BRWD3: variants seen among roughly 807,000 people sequenced by gnomAD.
The protein encoded by BRWD3 is bromodomain and WD repeat domain containing 3, also known as bromodomain and WD repeat-containing protein 3.
A neutral mutation model predicts 149.7 loss-of-function variants in BRWD3; 10 were observed. The ratio of observed to expected loss-of-function variants is 0.07; its 90% CI spans 0.04 to 0.11. The LOEUF (loss-of-function observed/expected upper bound fraction) is 0.11. BRWD3 is among the 10% of genes least tolerant of loss of function. The probability of loss-of-function intolerance (pLI) is 1.00; values close to 1 mark genes in which losing one functional copy is unlikely to be tolerated. For missense variants in BRWD3, 940 were observed against 1,373.2 expected (o/e 0.68, Z 4.99); for synonymous variants, 504 against 456.7 (o/e 1.10, Z -1.32).
rs758315229 is a variant in BRWD3 at position 80,688,143 on chromosome X, A to C, written c.3808-18T>G. Reference sequence around the variant, plus strand: ...TCTGTATCCTTAATTAAAAAGGAAGAGTGGGAAAAGACGTTAAGTTACATT... The same window carrying C: ...TCTGTATCCTTAATTAAAAAGGAAGCGTGGGAAAAGACGTTAAGTTACATT... On this transcript the variant is annotated intron_variant, in intron 33 of 40. Coordinates refer to ENST00000373275, the MANE Select transcript of BRWD3 (RefSeq NM_153252.5). 4.4e-6 allele frequency: 5 copies of C among 1,147,923 alleles called. No homozygotes were observed. The Admixed American group carries it at 1.1e-4, about 25-fold the overall frequency. The allele number at this position is 1,147,923 out of a possible 1,213,427, so 94.6% of individuals were successfully genotyped here. A position where few individuals can be genotyped will look rare whatever the true frequency, so the allele number is the denominator to read the frequency against.
chrX:80,736,185 T>A, intron 8 of BRWD3, 97 bp from the exon 9 acceptor site: 2 of 554,916 alleles, frequency 3.6e-6, no homozygotes, highest in African/African-American at 2.3e-5. Context: ...TTAACAAATA[T>A]AATTTCAATA....
chrX:80,792,428 A>AT (rs1285700175), intron 5 of BRWD3, among the ~76,000 whole-genome samples: 1 of 112,343 alleles, frequency 8.9e-6, no homozygotes, highest in Non-Finnish European at 1.9e-5. Context: ...ACAGCACTGC[A>AT]TATCAGATGG....
At chrX:80,685,894 G>A (rs749937613) in intron 35 of BRWD3, among the ~76,000 whole-genome samples, 1 of 111,372 alleles carries the variant, frequency 9.0e-6, no homozygotes, top group South Asian at 3.8e-4. Flanking sequence ...CCTCTTCTCT[G>A]AGAAAGTTAA....
chrX:80,794,038 C>T (rs1388404829), intron 4 of BRWD3, among the ~76,000 whole-genome samples: 1 of 110,411 alleles, frequency 9.1e-6, no homozygotes, highest in African/African-American at 3.3e-5. Flanking sequence ...ATTAGCCAGG[C>T]GTGGTGCTGC....
intron 16 of BRWD3, among the ~76,000 whole-genome samples, chrX:80,723,236 C>G (rs1429201202): frequency 9.0e-6 from 1 of 111,318 alleles, no homozygotes; most frequent in Non-Finnish European, 1.9e-5. Flanking sequence ...AATTATTGAG[C>G]TGACCTCAAT....
intron 4 of BRWD3, among the ~76,000 whole-genome samples, chrX:80,800,171 C>T (rs777168442): frequency 9.4e-6 from 1 of 106,609 alleles, no homozygotes; most frequent in African/African-American, 3.4e-5. Context: ...AAGGGCATTC[C>T]AAGCAAAGAG....
Position 80,802,974 on chromosome X carries a change from C to T in BRWD3, c.180+5565G>A, listed in dbSNP as rs200825507. ...CAAAAAATTAGCCGGGCGTAGCGGG[C>T]GCCTGTAGTCCCAGCTACTCAGGAG... On this transcript the variant is annotated intron_variant, in intron 4 of 40. Coordinates refer to ENST00000373275, the MANE Select transcript of BRWD3 (RefSeq NM_153252.5). 1.5e-3 allele frequency among the ~76,000 whole-genome samples: 165 copies of T among 109,770 alleles called. 2 individuals are homozygous for T. In the East Asian group the frequency reaches 0.024, roughly 16 times the overall value.
chrX:80,791,472 T>C (rs1179425278), intron 6 of BRWD3, among the ~76,000 whole-genome samples: 2 of 111,611 alleles, frequency 1.8e-5, no homozygotes, highest in Non-Finnish European at 3.8e-5. Flanking sequence ...AATACAGACA[T>C]ATAAAAATGT....
chrX:80,706,584 GA>G lies in BRWD3; in HGVS notation c.2552+842del, dbSNP rs775394376. On this transcript the variant is annotated intron_variant, in intron 22 of 40. Coordinates refer to ENST00000373275, the MANE Select transcript of BRWD3 (RefSeq NM_153252.5). ...TCTCCACATCTTTTCCTGTTCAACGGAAGGTATTCAGAGACAAAAACACATG... is the reference window on the plus strand; with the variant it reads ...TCTCCACATCTTTTCCTGTTCAACGGAGGTATTCAGAGACAAAAACACATG... Among the ~76,000 whole-genome samples the G allele has an allele frequency of 2.6e-4, 29 of 112,042 alleles. 1 individual carries two copies. In the South Asian group the frequency reaches 0.011, roughly 42 times the overall value.
chrX:80,741,459 G>A (rs1384944123), intron 8 of BRWD3, among the ~76,000 whole-genome samples: 1 of 111,700 alleles, frequency 9.0e-6, no homozygotes, highest in East Asian at 2.8e-4. Flanking sequence ...GGTATTTCTA[G>A]TTCCAAATGC....
In BRWD3 at chrX:80,794,529, AT is replaced by A. The variant is rs767455809; in HGVS notation, c.181-758del. 2.7e-4 allele frequency among the ~76,000 whole-genome samples: 29 copies of A among 109,201 alleles called. No homozygotes were observed. The East Asian group carries it at 3.1e-3, about 12-fold the overall frequency. 94.8% of individuals were successfully genotyped at this position (109,201 alleles called of 115,157 possible). ...CAAAAAAATAAAAATAAATAAAAAA[AT>A]ATATATATATCTCTATATGTATGTG... On this transcript the variant is annotated intron_variant, in intron 4 of 40. Transcript: ENST00000373275.
Position 80,672,067 on chromosome X carries a change from AC to A in BRWD3, c.*4541del, listed in dbSNP as rs1395681865. 1 of 111,356 alleles carries A rather than the reference AC, an allele frequency of 9.0e-6. No individual in the cohort carries two copies. The highest frequency in any genetic ancestry group is 1.9e-5 in the Non-Finnish European group (1 of 53,115). 9.2% of individuals were successfully genotyped at this position (111,356 alleles called of 1,213,427 possible). A position where few individuals can be genotyped will look rare whatever the true frequency, so the allele number is the denominator to read the frequency against. On this transcript the variant is annotated 3_prime_UTR_variant, in exon 41 of 41. Transcript: ENST00000373275. ...CAATAGTCTTATTTTTTAAGAAAAT[AC>A]TTATCATGCTTTTATATGTCAAAGT...
chrX:80,796,971 C>T (rs1034656602), intron 4 of BRWD3, among the ~76,000 whole-genome samples: 1 of 110,303 alleles, frequency 9.1e-6, no homozygotes, highest in African/African-American at 3.3e-5. Context: ...GCTAGGAGTT[C>T]GAGACTCGCC....
chrX:80,721,537 G>A (rs889537658), intron 17 of BRWD3, among the ~76,000 whole-genome samples: 1 of 111,706 alleles, frequency 9.0e-6, no homozygotes, highest in African/African-American at 3.3e-5. Context: ...TAACTTACTA[G>A]CTCATACCTG....
At chrX:80,711,004 T>C (rs913271938) in intron 20 of BRWD3, among the ~76,000 whole-genome samples, 1 of 108,445 alleles carries the variant, frequency 9.2e-6, no homozygotes, top group African/African-American at 3.3e-5. Context: ...TTTCACCTCC[T>C]GAAAAAAAAA....
chrX:80,719,003 A>C (rs2147747716), intron 18 of BRWD3, among the ~76,000 whole-genome samples: 1 of 111,172 alleles, frequency 9.0e-6, no homozygotes, highest in African/African-American at 3.3e-5. Context: ...AACTATTATA[A>C]AAGTTAATTC....
rs1227095567 is a variant in BRWD3, at chrX:80,676,439, GAA to G, written c.*168_*169del. ...ATGAGTAAGGCTTATTTGAACAAAT[GAA>G]GTGTGGAGATCAAAAGTCTTGAAAC... On this transcript the variant is annotated 3_prime_UTR_variant, in exon 41 of 41. Transcript: ENST00000373275. The G allele has an allele frequency of 3.3e-6, 2 of 598,304 alleles. No individual in the cohort carries two copies. Among genetic ancestry groups the G allele is most frequent in the Non-Finnish European group, 5.2e-6 (2 of 387,632 alleles). The allele number at this position is 598,304 out of a possible 1,213,427, so 49.3% of individuals were successfully genotyped here. A position where few individuals can be genotyped will look rare whatever the true frequency, so the allele number is the denominator to read the frequency against.
intron 5 of BRWD3, among the ~76,000 whole-genome samples, chrX:80,792,684 A>T (rs1030853863): frequency 3.6e-5 from 4 of 111,620 alleles, no homozygotes; most frequent in Non-Finnish European, 7.5e-5. Flanking sequence ...CTAATTAAAC[A>T]AAACATAGAA....
chrX:80,695,900 A>G lies in BRWD3; in HGVS notation c.3151+8T>C, dbSNP rs777491736. 5.9e-6 allele frequency: 7 copies of G among 1,194,072 alleles called. No homozygotes were observed. Among genetic ancestry groups the G allele is most frequent in the Admixed American group, 4.4e-5 (2 of 45,659 alleles). The stretch of plus-strand genomic sequence containing the variant: ...TTAATAGTTATTAAACAACAATTCT[A>G]TATTTACCAATCTGCCAGTTCCTTT... On this transcript the variant is annotated splice_region_variant and intron_variant, in intron 27 of 40. Transcript: ENST00000373275.
Sources: gnomAD v4.1 joint callset for allele counts (sites outside exome capture counted in the v4.1 genomes callset) on GRCh38, gnomAD v4.1.1 for gene constraint, MANE v1.5 for transcripts, NCBI Gene and HGNC (gene_info 2026-07-23, HGNC 2026-07-21) for gene names.